Variants in CLCA4 observed in about 807,000 individuals in gnomAD.
CLCA4 encodes calcium-activated chloride channel regulator 4.
A neutral mutation model predicts 78.9 loss-of-function variants in CLCA4; 69 were observed. The ratio of observed to expected loss-of-function variants is 0.87; its 90% CI spans 0.72 to 1.07. The LOEUF (loss-of-function observed/expected upper bound fraction) is 1.07. CLCA4 is among the 50% of genes least tolerant of loss of function. The pLI is 0.00. For synonymous variants in CLCA4, 362 were observed against 375.8 expected (o/e 0.96, Z 0.42); for missense variants, 1,133 against 1,095.8 (o/e 1.03, Z -0.48).
intron 4 of CLCA4, among the ~76,000 whole-genome samples, chr1:86,564,266 G>T (rs1471399577): frequency 1.3e-5 from 2 of 152,038 alleles, no homozygotes; most frequent in Non-Finnish European, 2.9e-5. Context: ...CAAAATAGTT[G>T]GGAAGAATCA....
chr1:86,568,863 G>T (rs562620722), intron 7 of CLCA4, among the ~76,000 whole-genome samples: 7 of 151,896 alleles, frequency 4.6e-5, no homozygotes, highest in Non-Finnish European at 8.8e-5. Flanking sequence ...TCCATGGATT[G>T]CATGACATTT....
chr1:86,553,033 C>T (rs1649712825), intron 1 of CLCA4: 9 of 633,578 alleles, frequency 1.4e-5, no homozygotes, highest in Admixed American at 1.3e-4. Context: ...CTCCTGCTCC[C>T]ACGCCGCGCG....
chr1:86,569,339 T>C (rs979490243), intron 7 of CLCA4, among the ~76,000 whole-genome samples: 3 of 151,962 alleles, frequency 2.0e-5, no homozygotes, highest in Admixed American at 2.0e-4. Flanking sequence ...TAGATTATTC[T>C]AAGAAATTAT....
chr1:86,569,843 C>T (rs369869969), intron 7 of CLCA4, among the ~76,000 whole-genome samples: 1 of 151,814 alleles, frequency 6.6e-6, no homozygotes, highest in East Asian at 1.9e-4. Context: ...GAATGTAGTT[C>T]CTACTGAATC....
rs753005976 is a variant in CLCA4 at position 86,559,924 on chromosome 1, A to C, written c.160-8A>C. On this transcript the variant is annotated splice_polypyrimidine_tract_variant and splice_region_variant and intron_variant, in intron 1 of 13. Coordinates refer to ENST00000370563, the MANE Select transcript of CLCA4 (RefSeq NM_012128.4). ...ACCATCCTCACATATTTTTTCCTTT[A>C]ATGACAGGATATGGTGACTACAGCT... is the stretch of plus-strand genomic sequence containing the variant. 6 of 1,581,934 alleles carry C rather than the reference A, an allele frequency of 3.8e-6. No homozygotes were observed. The highest frequency in any genetic ancestry group is 4.3e-6 in the Non-Finnish European group (5 of 1,169,382).
chr1:86,557,228 G>C (rs966418997), intron 1 of CLCA4, among the ~76,000 whole-genome samples: 2 of 151,808 alleles, frequency 1.3e-5, no homozygotes, highest in Admixed American at 1.3e-4. Context: ...CTCTGATTTT[G>C]ATTATTTCTG....
chr1:86,548,685 A>G (rs1358175637), intron 1 of CLCA4, among the ~76,000 whole-genome samples: 4 of 4,894 alleles, frequency 8.2e-4, no homozygotes, highest in African/African-American at 3.4e-3. Context: ...CCCTCTCTGG[A>G]AAAAAAAAAA....
At chr1:86,559,871 C>T (rs1183539775) in intron 1 of CLCA4, 61 bp from the exon 2 acceptor site, 3 of 1,349,502 alleles carry the variant, frequency 2.2e-6, no homozygotes, top group African/African-American at 3.0e-5. Context: ...TGTCACAAAA[C>T]CCTGCTAATT....
chr1:86,564,256 C>A (rs544661057), intron 4 of CLCA4, among the ~76,000 whole-genome samples: 1 of 152,172 alleles, frequency 6.6e-6, no homozygotes, highest in South Asian at 2.1e-4. Flanking sequence ...ATCAAAAGAG[C>A]AAAATAGTTG....
At chr1:86,564,382 G>A (rs1486776796) in intron 4 of CLCA4, among the ~76,000 whole-genome samples, 1 of 152,132 alleles carries the variant, frequency 6.6e-6, no homozygotes, top group Non-Finnish European at 1.5e-5. Flanking sequence ...TTTCAATCAA[G>A]GTCCTTCCTC....
chr1:86,551,673 C>G (rs1000744372), intron 1 of CLCA4, among the ~76,000 whole-genome samples: 10 of 152,222 alleles, frequency 6.6e-5, no homozygotes, highest in African/African-American at 1.9e-4. Flanking sequence ...TCAGCCAGGG[C>G]AGGTGCCTGG....
intron 7 of CLCA4, among the ~76,000 whole-genome samples, chr1:86,570,014 A>G (rs1650301749): frequency 6.6e-6 from 1 of 152,032 alleles, no homozygotes. Flanking sequence ...ATAAATGTAT[A>G]AAAGCATTTT....
intron 8 of CLCA4, 65 bp downstream of exon 8, chr1:86,571,319 C>A (rs1318749021): frequency 6.9e-7 from 1 of 1,457,850 alleles, no homozygotes; most frequent in African/African-American, 1.4e-5. Flanking sequence ...GCTGACAGTT[C>A]AACAACGTCT....
rs1380914190 is a variant in CLCA4, at chr1:86,550,378, G to T, written c.159+3100G>T. Among the ~76,000 whole-genome samples the T allele has an allele frequency of 4.6e-5, 7 of 152,224 alleles. No homozygotes were observed. The East Asian group carries it at 1.4e-3, about 29-fold the overall frequency. On this transcript the variant is annotated intron_variant, in intron 1 of 13. Coordinates refer to ENST00000370563, the MANE Select transcript of CLCA4 (RefSeq NM_012128.4). Reference sequence around the variant, plus strand: ...ATCAGTATCAAACTTTTCTTACTCAGACATCACTATTTGAAAGAATTACTT... The same window carrying T: ...ATCAGTATCAAACTTTTCTTACTCATACATCACTATTTGAAAGAATTACTT...
At position 86,578,083 on chromosome 1, in the gene CLCA4, C is replaced by T. The variant is rs774191336; in HGVS notation, c.2122+11C>T. ...GCTGGGTAGTGAACGGTGAGTAACTCATGATATTTATAATCCAGTGATAGT... is the reference window on the plus strand; with the variant it reads ...GCTGGGTAGTGAACGGTGAGTAACTTATGATATTTATAATCCAGTGATAGT... On this transcript the variant is annotated intron_variant, in intron 12 of 13. Transcript: ENST00000370563. The T allele has an allele frequency of 6.2e-7, 1 of 1,601,560 alleles. No individual in the cohort carries two copies. Among genetic ancestry groups the T allele is most frequent in the Non-Finnish European group, 8.5e-7 (1 of 1,173,434 alleles).
chr1:86,559,575 T>C (rs548866395), intron 1 of CLCA4, among the ~76,000 whole-genome samples: 3 of 152,310 alleles, frequency 2.0e-5, no homozygotes, highest in African/African-American at 7.2e-5. Flanking sequence ...ATTCGGAGCA[T>C]TGCATAAATC....
chr1:86,565,728 A>G, intron 5 of CLCA4, 74 bp from the exon 6 acceptor site: 1 of 925,752 alleles, frequency 1.1e-6, no homozygotes, highest in Non-Finnish European at 1.5e-6. Flanking sequence ...AGACTTTTAA[A>G]TTTTTCAGGT....
intron 1 of CLCA4, among the ~76,000 whole-genome samples, chr1:86,550,572 T>C (rs998483635): frequency 6.6e-6 from 1 of 151,754 alleles, no homozygotes; most frequent in Non-Finnish European, 1.5e-5. Flanking sequence ...ATAATCCACA[T>C]TTTACAGAAG....
intron 13 of CLCA4, among the ~76,000 whole-genome samples, 167 bp downstream of exon 13, chr1:86,579,754 G>A (rs532501189): frequency 9.2e-5 from 14 of 152,028 alleles, no homozygotes; most frequent in African/African-American, 3.4e-4. Context: ...ATTTTAACGT[G>A]GTCCTACTTT....
Sources: gnomAD v4.1 joint callset for allele counts (sites outside exome capture counted in the v4.1 genomes callset) on GRCh38, gnomAD v4.1.1 for gene constraint, MANE v1.5 for transcripts, NCBI Gene and HGNC (gene_info 2026-07-23, HGNC 2026-07-21) for gene names.